Variants in SGIP1 observed in about 807,000 individuals in gnomAD.
SGIP1 encodes SH3-containing GRB2-like protein 3-interacting protein 1.
In SGIP1, 38 loss-of-function variants were observed where a neutral mutation model predicts 107.5. That is an observed-to-expected ratio of 0.35 (90% CI 0.27 to 0.46). The LOEUF is 0.46. SGIP1 is among the 20% of genes least tolerant of loss of function. SGIP1 has a pLI of 1.00. For missense variants in SGIP1, 929 were observed against 1,019.5 expected (o/e 0.91, Z 1.21); for synonymous variants, 365 against 366.1 (o/e 1.00, Z 0.03).
intron 1 of SGIP1, among the ~76,000 whole-genome samples, chr1:66,579,228 G>T (rs1435175865): frequency 6.6e-6 from 1 of 152,070 alleles, no homozygotes; most frequent in Non-Finnish European, 1.5e-5. Flanking sequence ...TACCATGTCA[G>T]TACCCAACAT....
intron 1 of SGIP1, among the ~76,000 whole-genome samples, chr1:66,617,032 G>A (rs1045752612): frequency 6.6e-6 from 1 of 152,160 alleles, no homozygotes; most frequent in Non-Finnish European, 1.5e-5. Flanking sequence ...TTGTAAAGAG[G>A]TTTTGTGCAT....
At chr1:66,645,353 C>T (rs978418680) in intron 7 of SGIP1, among the ~76,000 whole-genome samples, 1 of 152,210 alleles carries the variant, frequency 6.6e-6, no homozygotes, top group East Asian at 1.9e-4. Context: ...ATTCCTCCAA[C>T]CAGATACATT....
chr1:66,630,998 G>C (rs1381603757), intron 2 of SGIP1, among the ~76,000 whole-genome samples: 1 of 135,216 alleles, frequency 7.4e-6, no homozygotes, highest in African/African-American at 2.8e-5. Flanking sequence ...AGGAAGGAAG[G>C]GAAAGGAAAG....
chr1:66,624,097 T>G (rs1177273029), intron 1 of SGIP1, among the ~76,000 whole-genome samples: 1 of 152,168 alleles, frequency 6.6e-6, no homozygotes, highest in African/African-American at 2.4e-5. Flanking sequence ...GTAAAGCACT[T>G]GAAACCCTGA....
chr1:66,654,510 G>T (rs1479436740), intron 7 of SGIP1, among the ~76,000 whole-genome samples: 1 of 151,540 alleles, frequency 6.6e-6, no homozygotes, highest in Non-Finnish European at 1.5e-5. Flanking sequence ...CTACAAATAT[G>T]TGAATAATAG....
At position 66,699,277 on chromosome 1, in the gene SGIP1, TC is replaced by T. The variant is rs147626140; in HGVS notation, c.1630+3786del. ...ATTCTCTTAGCTCCCTATTGCTGCTTCCAAAGCCTTCCTGATTGTGAGAGCA... is the reference window on the plus strand; with the variant it reads ...ATTCTCTTAGCTCCCTATTGCTGCTTCAAAGCCTTCCTGATTGTGAGAGCA... On this transcript the variant is annotated intron_variant, in intron 18 of 24. Transcript: ENST00000371037. Among the ~76,000 whole-genome samples, 746 of 152,240 alleles carry T rather than the reference TC, an allele frequency of 4.9e-3. 2 individuals are homozygous for T. Among genetic ancestry groups the T allele is most frequent in the African/African-American group, 0.017 (718 of 41,518 alleles).
intron 1 of SGIP1, among the ~76,000 whole-genome samples, chr1:66,618,709 G>A (rs1236029933): frequency 2.0e-5 from 3 of 152,202 alleles, no homozygotes; most frequent in Non-Finnish European, 4.4e-5. Flanking sequence ...CACAGTGCCT[G>A]GCACATGCAA....
At chr1:66,739,981 GAGTT>G (rs1360553891) in intron 22 of SGIP1, among the ~76,000 whole-genome samples, 1 of 152,208 alleles carries the variant, frequency 6.6e-6, no homozygotes, top group African/African-American at 2.4e-5. Flanking sequence ...CCCCACATCT[GAGTT>G]AGATTGCTGA....
intron 3 of SGIP1, 56 bp from the exon 4 acceptor site, chr1:66,635,888 G>A (rs2075678972): frequency 6.4e-7 from 1 of 1,561,054 alleles, no homozygotes; most frequent in Non-Finnish European, 8.8e-7. Flanking sequence ...TATGTGTCTT[G>A]AAGAACAAGC....
intron 20 of SGIP1, among the ~76,000 whole-genome samples, chr1:66,732,140 C>A (rs1311171482): frequency 5.3e-5 from 8 of 152,106 alleles, no homozygotes; most frequent in Non-Finnish European, 1.0e-4. Context: ...GAGGGTTTCC[C>A]AGTTATTCAA....
intron 15 of SGIP1, chr1:66,684,049 A>T (rs1052047503): frequency 6.5e-7 from 1 of 1,545,464 alleles, no homozygotes; most frequent in Admixed American, 2.0e-5. Context: ...TGCTTTTTGT[A>T]CATTATTTCA....
chr1:66,594,143 A>G (rs1037751519), intron 1 of SGIP1, among the ~76,000 whole-genome samples: 2 of 152,208 alleles, frequency 1.3e-5, no homozygotes, highest in African/African-American at 4.8e-5. Flanking sequence ...AAGTAAGAAC[A>G]AAAGTTGTTC....
chr1:66,683,700 C>CTTTTTTTTTTTTTTTTTTTTTTTTTTTT lies in SGIP1; in HGVS notation c.1315+1332_1315+1359dup, dbSNP rs869266510. On this transcript the variant is annotated intron_variant, in intron 15 of 24. Transcript: ENST00000371037. ...ACCACACTGTTTGTTTGTTTCTTTTCTTTTTTTTTTTTTTTTTTTTTTTTT... is the reference window on the plus strand; with the variant it reads ...ACCACACTGTTTGTTTGTTTCTTTTCTTTTTTTTTTTTTTTTTTTTTTTTTTTTTTTTTTTTTTTTTTTTTTTTTTTTT... Among the ~76,000 whole-genome samples the CTTTTTTTTTTTTTTTTTTTTTTTTTTTT allele has an allele frequency of 2.2e-3, 138 of 61,394 alleles. 31 individuals carry two copies. The highest frequency in any genetic ancestry group is 4.4e-3 in the East Asian group (4 of 908). 40.3% of individuals were successfully genotyped at this position (61,394 alleles called of 152,430 possible). A position where few individuals can be genotyped will look rare whatever the true frequency, so the allele number is the denominator to read the frequency against.
At chr1:66,552,184 T>A (rs1011626668) in intron 1 of SGIP1, among the ~76,000 whole-genome samples, 1 of 152,156 alleles carries the variant, frequency 6.6e-6, no homozygotes, top group African/African-American at 2.4e-5. Context: ...GAGAGGTTCT[T>A]GTCCCTTGTC....
At position 66,728,577 on chromosome 1, in the gene SGIP1, T is replaced by C. The variant is rs536856129; in HGVS notation, c.1743-687T>C. On this transcript the variant is annotated intron_variant, in intron 19 of 24. Coordinates refer to ENST00000371037, the MANE Select transcript of SGIP1 (RefSeq NM_032291.4). ...CAAAGAACTAAAAACAGAACTACCC[T>C]TTGACCCAGAGATCCCATTACCGGT... Among the ~76,000 whole-genome samples, 3 of 152,328 alleles carry C rather than the reference T, an allele frequency of 2.0e-5. No homozygotes were observed. In the South Asian group the frequency reaches 6.2e-4, roughly 32 times the overall value.
intron 1 of SGIP1, among the ~76,000 whole-genome samples, chr1:66,604,983 G>A (rs2066551315): frequency 6.6e-6 from 1 of 152,114 alleles, no homozygotes; most frequent in African/African-American, 2.4e-5. Context: ...TAGTCACCAT[G>A]TTCTCTAAAC....
At chr1:66,594,870 C>A (rs889570719) in intron 1 of SGIP1, among the ~76,000 whole-genome samples, 3 of 152,052 alleles carry the variant, frequency 2.0e-5, no homozygotes, top group African/African-American at 7.2e-5. Flanking sequence ...AAATGCATTA[C>A]CACTCTGCTT....
At chr1:66,564,942 A>G (rs954256881) in intron 1 of SGIP1, among the ~76,000 whole-genome samples, 5 of 152,022 alleles carry the variant, frequency 3.3e-5, no homozygotes, top group Admixed American at 2.6e-4. Flanking sequence ...ACTTCTTACA[A>G]TAACCCTGTG....
At chr1:66,742,097 CT>C (rs2094465700) in intron 24 of SGIP1, among the ~76,000 whole-genome samples, 1 of 152,134 alleles carries the variant, frequency 6.6e-6, no homozygotes, top group African/African-American at 2.4e-5. Context: ...CACCAGAAAA[CT>C]TTTTGTTCTC....
Sources: allele counts gnomAD v4.1 joint callset (sites outside exome capture counted in the v4.1 genomes callset), GRCh38; gene constraint gnomAD v4.1.1; transcripts MANE v1.5; gene names NCBI Gene and HGNC (gene_info 2026-07-23, HGNC 2026-07-21).